The following DLG2 variants were observed in gnomAD, a reference collection of about 807,000 sequenced individuals.
DLG2 encodes the protein disks large homolog 2.
In DLG2, 45 loss-of-function variants were observed where a neutral mutation model predicts 132.5. The observed-to-expected ratio is 0.34, with a 90% CI of 0.27 to 0.44. The LOEUF (loss-of-function observed/expected upper bound fraction) is 0.44, where lower values mean the gene tolerates loss of function less well. DLG2 is among the 20% of genes least tolerant of loss of function. The pLI is 1.00. For synonymous variants in DLG2, 424 were observed against 419.6 expected, an observed-to-expected ratio of 1.01 and a Z score of -0.13; for missense variants, 1,045 against 1,196.9, an observed-to-expected ratio of 0.87 and a Z score of 1.87.
intron 7 of DLG2, among the ~76,000 whole-genome samples, chr11:84,386,617 T>A (rs911396662): frequency 5.3e-5 from 8 of 152,258 alleles, no homozygotes; most frequent in African/African-American, 1.9e-4. Flanking sequence ...TGAAAATCAA[T>A]AAATGGCCAT....
intron 7 of DLG2, among the ~76,000 whole-genome samples, chr11:84,304,462 A>G (rs1009986992): frequency 6.6e-5 from 10 of 152,240 alleles, no homozygotes; most frequent in African/African-American, 2.2e-4. Context: ...TTGGGCAGAA[A>G]GGGACATTCC....
chr11:84,175,301 A>C (rs756474591), intron 8 of DLG2, among the ~76,000 whole-genome samples: 362 of 152,220 alleles, frequency 2.4e-3, no homozygotes, highest in Non-Finnish European at 4.4e-3. Context: ...CGGATGGGGA[A>C]CTATCTTTTA....
chr11:84,613,196 G>A (rs1405192609), intron 6 of DLG2, among the ~76,000 whole-genome samples: 3 of 152,008 alleles, frequency 2.0e-5, no homozygotes, highest in African/African-American at 4.8e-5. Context: ...TTCACAGAAT[G>A]TTCAGGAAAA....
At chr11:85,583,379 G>T (rs537680677) in intron 3 of DLG2, among the ~76,000 whole-genome samples, 1 of 149,838 alleles carries the variant, frequency 6.7e-6, no homozygotes, top group Non-Finnish European at 1.5e-5. Context: ...TTGAGACAGG[G>T]TCTCACAATG....
intron 3 of DLG2, among the ~76,000 whole-genome samples, chr11:85,577,195 T>C (rs138715929): frequency 1.3e-5 from 2 of 152,164 alleles, no homozygotes; most frequent in East Asian, 3.8e-4. Flanking sequence ...TCACTCTGTA[T>C]GCTATGCAGA....
In DLG2 at chr11:85,079,466, G is replaced by C. The variant is rs1055514883; in HGVS notation, c.357+32195C>G. Among the ~76,000 whole-genome samples the C allele has an allele frequency of 2.0e-5, 3 of 149,652 alleles. No individual in the cohort carries two copies. The Admixed American group carries it at 2.0e-4, about 10-fold the overall frequency. On this transcript the variant is annotated intron_variant, in intron 6 of 27. Coordinates refer to ENST00000376104, the MANE Select transcript of DLG2 (RefSeq NM_001142699.3). ...GCCAAGAGAAGGGATCAATTCAGTT[G>C]GTTGGGGGAGGCTTAGAATTTTTTT...
At chr11:84,931,564 A>G (rs1162843112) in intron 6 of DLG2, among the ~76,000 whole-genome samples, 4 of 152,224 alleles carry the variant, frequency 2.6e-5, no homozygotes, top group African/African-American at 9.6e-5. Flanking sequence ...CATTTCTGCA[A>G]TGAACATATG....
chr11:85,038,590 TA>T (rs1285389874), intron 6 of DLG2, among the ~76,000 whole-genome samples: 1 of 151,990 alleles, frequency 6.6e-6, no homozygotes, highest in East Asian at 1.9e-4. Flanking sequence ...CGCCTCCAAC[TA>T]AAAAAATTCA....
chr11:84,785,626 G>T (rs1257749022), intron 6 of DLG2, among the ~76,000 whole-genome samples: 2 of 152,034 alleles, frequency 1.3e-5, no homozygotes, highest in African/African-American at 4.8e-5. Flanking sequence ...CAAGGTAAAT[G>T]TTTTATTCTT....
chr11:84,350,851 T>G (rs1437056159), intron 7 of DLG2, among the ~76,000 whole-genome samples: 1 of 152,228 alleles, frequency 6.6e-6, no homozygotes, highest in African/African-American at 2.4e-5. Flanking sequence ...TCTAGGCTTC[T>G]AGATACTCTA....
chr11:84,138,510 G>T (rs764560024), intron 9 of DLG2, among the ~76,000 whole-genome samples: 10 of 152,186 alleles, frequency 6.6e-5, no homozygotes, highest in Non-Finnish European at 1.3e-4. Context: ...CGTCCCTAAA[G>T]TAATATGCTT....
At chr11:85,259,161 G>A (rs2076814569) in intron 4 of DLG2, among the ~76,000 whole-genome samples, 1 of 151,976 alleles carries the variant, frequency 6.6e-6, no homozygotes. Flanking sequence ...TTGGATTATG[G>A]GGCTGGTTTC....
At chr11:84,867,407 T>C (rs2084747948) in intron 6 of DLG2, among the ~76,000 whole-genome samples, 1 of 152,186 alleles carries the variant, frequency 6.6e-6, no homozygotes, top group Admixed American at 6.5e-5. Flanking sequence ...ACTTTGGAAT[T>C]TCCAGGTAAG....
chr11:84,919,675 G>C (rs1406103621), intron 6 of DLG2, among the ~76,000 whole-genome samples: 1 of 151,988 alleles, frequency 6.6e-6, no homozygotes, highest in Non-Finnish European at 1.5e-5. Flanking sequence ...TATGTTTGTA[G>C]TAGCAATGAA....
At chr11:83,709,017 G>A (rs180855356) in intron 18 of DLG2, among the ~76,000 whole-genome samples, 1 of 152,078 alleles carries the variant, frequency 6.6e-6, no homozygotes, top group Admixed American at 6.6e-5. Flanking sequence ...GATTTATTAG[G>A]GGAACAAGCA....
intron 8 of DLG2, among the ~76,000 whole-genome samples, chr11:84,202,133 T>C (rs1408986097): frequency 6.6e-6 from 1 of 151,874 alleles, no homozygotes; most frequent in Admixed American, 6.6e-5. Context: ...AAAATTTATA[T>C]GGAACCAAAA....
intron 6 of DLG2, among the ~76,000 whole-genome samples, chr11:85,008,923 A>G (rs1023954290): frequency 2.0e-5 from 3 of 152,156 alleles, no homozygotes; most frequent in Admixed American, 6.5e-5. Context: ...GGTAGAAAAT[A>G]CTTCTCTGTG....
intron 3 of DLG2, among the ~76,000 whole-genome samples, chr11:85,492,157 T>A (rs1484232698): frequency 6.6e-6 from 1 of 152,186 alleles, no homozygotes; most frequent in Non-Finnish European, 1.5e-5. Flanking sequence ...GTAATATACA[T>A]GTTAATTCGC....
chr11:85,031,109 G>A (rs2060966540), intron 6 of DLG2, among the ~76,000 whole-genome samples: 1 of 151,854 alleles, frequency 6.6e-6, no homozygotes. Context: ...ATTTTAAAAA[G>A]AAGTGTCATT....
Sources: gnomAD v4.1 joint callset for allele counts (sites outside exome capture counted in the v4.1 genomes callset) on GRCh38, gnomAD v4.1.1 for gene constraint, MANE v1.5 for transcripts, NCBI Gene and HGNC (gene_info 2026-07-23, HGNC 2026-07-21) for gene names.